Variants in KCNIP4 observed in about 807,000 individuals in gnomAD.
The protein encoded by KCNIP4 is potassium voltage-gated channel interacting protein 4, also known as Kv channel-interacting protein 4.
In KCNIP4, 12 loss-of-function variants were observed where a neutral mutation model predicts 34.0. That is an observed-to-expected ratio of 0.35 (90% CI 0.23 to 0.57). The LOEUF is 0.57. KCNIP4 is among the 20% of genes least tolerant of loss of function. The pLI is 0.83. For missense variants in KCNIP4, 238 were observed against 311.7 expected (o/e 0.76, Z 1.78); for synonymous variants, 124 against 102.2 (o/e 1.21, Z -1.29).
At position 20,741,460 on chromosome 4, in the gene KCNIP4, T is replaced by C. The variant is rs192389151; in HGVS notation, c.430-6725A>G. On this transcript the variant is annotated intron_variant, in intron 5 of 8. Coordinates refer to ENST00000382152, the MANE Select transcript of KCNIP4 (RefSeq NM_025221.6). ...ACTTGGAAACTGAACAACCTGCTCC[T>C]GAATGACCACTGGGTAGATAATGAA... is the stretch of plus-strand genomic sequence containing the variant. Among the ~76,000 whole-genome samples, 455 of 152,334 alleles carry C rather than the reference T, an allele frequency of 3.0e-3. 6 individuals are homozygous for C. The highest frequency in any genetic ancestry group is 0.011 in the African/African-American group (438 of 41,580).
intron 1 of KCNIP4, among the ~76,000 whole-genome samples, chr4:21,547,371 C>T (rs955835620): frequency 6.6e-6 from 1 of 152,006 alleles, no homozygotes; most frequent in African/African-American, 2.4e-5. Flanking sequence ...TAAATATATA[C>T]ATATTTATGT....
chr4:20,986,589 GA>G (rs1167021408), intron 1 of KCNIP4, among the ~76,000 whole-genome samples: 1 of 152,208 alleles, frequency 6.6e-6, no homozygotes, highest in African/African-American at 2.4e-5. Flanking sequence ...AAAGTACTGA[GA>G]GGGGGTCACA....
At chr4:20,892,465 C>T (rs1726022463) in intron 1 of KCNIP4, among the ~76,000 whole-genome samples, 1 of 152,274 alleles carries the variant, frequency 6.6e-6, no homozygotes, top group African/African-American at 2.4e-5. Context: ...CTCTTCTTCT[C>T]TGTCTCTGAG....
At chr4:21,865,123 AT>A (rs1237421883) in intron 1 of KCNIP4, among the ~76,000 whole-genome samples, 1 of 152,164 alleles carries the variant, frequency 6.6e-6, no homozygotes, top group Admixed American at 6.5e-5. Context: ...TTTAAGTCAA[AT>A]TTTAAAAAAA....
intron 1 of KCNIP4, among the ~76,000 whole-genome samples, chr4:21,469,951 G>A (rs758411058): frequency 1.3e-5 from 2 of 152,104 alleles, no homozygotes; most frequent in Non-Finnish European, 2.9e-5. Context: ...ATAACTTTTG[G>A]GATGTTCATA....
At chr4:20,781,957 G>A (rs1169290484) in intron 3 of KCNIP4, among the ~76,000 whole-genome samples, 1 of 152,154 alleles carries the variant, frequency 6.6e-6, no homozygotes, top group African/African-American at 2.4e-5. Context: ...TTACTTCCTA[G>A]ATACAATGGG....
chr4:21,188,198 G>A (rs1399961057), intron 1 of KCNIP4, among the ~76,000 whole-genome samples: 4 of 152,124 alleles, frequency 2.6e-5, no homozygotes, highest in African/African-American at 7.2e-5. Flanking sequence ...AAAGAGTTTT[G>A]TTTTAATTGC....
intron 1 of KCNIP4, chr4:21,303,894 C>T: frequency 6.2e-7 from 1 of 1,614,042 alleles, no homozygotes; most frequent in Non-Finnish European, 8.5e-7. Flanking sequence ...ATTTCAAGCC[C>T]TTCCAAGTTC....
intron 3 of KCNIP4, 99 bp downstream of exon 3, chr4:20,850,444 G>T (rs1290863636): frequency 4.1e-6 from 5 of 1,226,132 alleles, no homozygotes; most frequent in Non-Finnish European, 5.8e-6. Flanking sequence ...TACATATGAT[G>T]GGGCTCTCAT....
intron 1 of KCNIP4, among the ~76,000 whole-genome samples, chr4:20,899,403 T>C (rs1726917712): frequency 6.6e-6 from 1 of 152,298 alleles, no homozygotes; most frequent in Admixed American, 6.5e-5. Flanking sequence ...TATTAGAAAC[T>C]GAGCCAGGAA....
chr4:21,358,379 G>A (rs1718877147), intron 1 of KCNIP4, among the ~76,000 whole-genome samples: 1 of 151,988 alleles, frequency 6.6e-6, no homozygotes, highest in South Asian at 2.1e-4. Flanking sequence ...TCTGACACTT[G>A]TTAAGCACAT....
intron 1 of KCNIP4, among the ~76,000 whole-genome samples, chr4:21,624,170 C>A (rs1310680965): frequency 6.6e-6 from 1 of 152,090 alleles, no homozygotes; most frequent in East Asian, 1.9e-4. Flanking sequence ...TACTTACCAA[C>A]AGTGAATTTG....
At chr4:21,796,258 T>C (rs1720617716) in intron 1 of KCNIP4, among the ~76,000 whole-genome samples, 1 of 152,166 alleles carries the variant, frequency 6.6e-6, no homozygotes, top group Non-Finnish European at 1.5e-5. Context: ...CTTTCTCAAT[T>C]ATCTATAGCA....
chr4:21,948,539 G>C, intron 1 of KCNIP4, 32 bp downstream of exon 1: 8 of 1,602,878 alleles, frequency 5.0e-6, no homozygotes, highest in Non-Finnish European at 6.8e-6. Flanking sequence ...GGGCGGAAGC[G>C]GGCGCCCGCT....
intron 1 of KCNIP4, among the ~76,000 whole-genome samples, chr4:21,751,039 C>A (rs1054344696): frequency 1.3e-5 from 2 of 151,944 alleles, no homozygotes; most frequent in Non-Finnish European, 1.5e-5. Context: ...TTAGGCCTTG[C>A]AAAAAATGAA....
intron 1 of KCNIP4, among the ~76,000 whole-genome samples, chr4:20,927,811 A>G (rs536290571): frequency 3.9e-5 from 6 of 152,164 alleles, no homozygotes; most frequent in Non-Finnish European, 8.8e-5. Context: ...TAACACTGTC[A>G]TCATAAATGC....
chr4:21,485,174 T>C (rs987801794), intron 1 of KCNIP4, among the ~76,000 whole-genome samples: 3 of 152,196 alleles, frequency 2.0e-5, no homozygotes, highest in African/African-American at 7.2e-5. Context: ...TTAAACATTA[T>C]AGATAAATAC....
intron 1 of KCNIP4, among the ~76,000 whole-genome samples, chr4:21,072,502 TA>T (rs902172018): frequency 6.6e-6 from 1 of 151,886 alleles, no homozygotes; most frequent in African/African-American, 2.4e-5. Flanking sequence ...TTTTTTCTTG[TA>T]AAAAAAATTT....
intron 1 of KCNIP4, among the ~76,000 whole-genome samples, chr4:21,885,564 T>A (rs1457290385): frequency 3.3e-5 from 5 of 152,158 alleles, no homozygotes; most frequent in Non-Finnish European, 7.4e-5. Context: ...ATTCACCCAC[T>A]TAAGCATCTT....
Sources: gnomAD v4.1 joint callset for allele counts (sites outside exome capture counted in the v4.1 genomes callset) on GRCh38, gnomAD v4.1.1 for gene constraint, MANE v1.5 for transcripts, NCBI Gene and HGNC (gene_info 2026-07-23, HGNC 2026-07-21) for gene names.